Variants in NLRC3 observed in about 807,000 individuals in gnomAD.
NLRC3 encodes NLR family CARD domain containing 3, also known as NLR family CARD domain-containing protein 3.
In NLRC3, 87 loss-of-function variants were observed where a neutral mutation model predicts 91.6. The ratio of observed to expected loss-of-function variants is 0.95; its 90% CI spans 0.80 to 1.14. NLRC3 has a LOEUF of 1.14. NLRC3 is among the 50% of genes most tolerant of loss of function. The pLI is 0.00. For missense variants in NLRC3, 1,577 were observed against 1,418.6 expected (o/e 1.11, Z -1.79); for synonymous variants, 694 against 625.3 (o/e 1.11, Z -1.64).
rs997600113 is a variant in NLRC3, at chr16:3,554,324, G to T, written c.2185C>A (p.Leu729Ile). The T allele has an allele frequency of 6.2e-7, 1 of 1,612,826 alleles. No homozygotes were observed. The highest frequency in any genetic ancestry group is 1.3e-5 in the African/African-American group (1 of 74,918). Residue 729 changes from leucine (L) to isoleucine (I), a missense_variant and splice_region_variant, in exon 9 of 20, where the codon CTC becomes ATC. By Grantham distance (5) the Leu-to-Ile change is conservative (BLOSUM62 2). Transcript: ENST00000359128. ...KINRTLTSLS[L>I]QGNTVRDDGA... ...TCATCCCTAACGGTGTTGCCCTGGA[G>T]GCTGCAGAGACAAGAAGAGGCTCAT... is the stretch of plus-strand genomic sequence containing the variant.
intron 1 of NLRC3, among the ~76,000 whole-genome samples, chr16:3,570,967 A>G (rs1567155517): frequency 1.3e-5 from 2 of 152,154 alleles, no homozygotes; most frequent in African/African-American, 4.8e-5. Context: ...TTCCATTTGT[A>G]TTATTAAATA....
chr16:3,562,991 C>T lies in NLRC3; in HGVS notation c.1928+18G>A, dbSNP rs2039676712. On this transcript the variant is annotated intron_variant, in intron 5 of 19. Transcript: ENST00000359128. The stretch of plus-strand genomic sequence containing the variant: ...CTCTGCCCCTTCCCCAGCCCCTGCC[C>T]CCTGCCCTGGTATCCACCTGAGCTT... The T allele has an allele frequency of 6.5e-7, 1 of 1,547,504 alleles. No individual in the cohort carries two copies. The highest frequency in any genetic ancestry group is 8.7e-7 in the Non-Finnish European group (1 of 1,146,482).
intron 19 of NLRC3, 53 bp from the exon 20 acceptor site, chr16:3,541,968 G>T (rs866746560): frequency 9.3e-7 from 1 of 1,076,946 alleles, no homozygotes; most frequent in African/African-American, 1.5e-5. Context: ...CTCTTTAGTA[G>T]AGCAGGCCAT....
intron 5 of NLRC3, 85 bp downstream of exon 5, chr16:3,562,924 A>C: frequency 2.4e-5 from 30 of 1,231,634 alleles, no homozygotes; most frequent in Non-Finnish European, 3.5e-5. Context: ...GGAGACTGAC[A>C]GAGAAGCTTG....
intron 6 of NLRC3, 83 bp from the exon 7 acceptor site, chr16:3,557,759 TC>T: frequency 2.4e-6 from 2 of 824,872 alleles, no homozygotes; most frequent in Non-Finnish European, 4.1e-6. Flanking sequence ...CCGTGATTAA[TC>T]CTCTAGGCTC....
In NLRC3 at chr16:3,564,851, G is replaced by T. The variant is rs187887592; in HGVS notation, c.178+8C>A. The T allele has an allele frequency of 6.3e-7, 1 of 1,598,954 alleles. No homozygotes were observed. Among genetic ancestry groups the T allele is most frequent in the Non-Finnish European group, 8.5e-7 (1 of 1,173,038 alleles). ...CCACCCCGCGTCTGCCTCCCAAGCC[G>T]GTCCTACCATTGCTGCAGGGCCCCA... On this transcript the variant is annotated splice_region_variant and intron_variant, in intron 4 of 19. Transcript: ENST00000359128. The surrounding 1 kb of genome is among the most constrained non-coding windows in gnomAD (Gnocchi z 5.9).
At position 3,557,652 on chromosome 16, in the gene NLRC3, G is replaced by A. The variant is rs2039407727; in HGVS notation, c.2040C>T (p.Asn680=). The A allele has an allele frequency of 6.2e-7, 1 of 1,613,544 alleles. No individual in the cohort carries two copies. The highest frequency in any genetic ancestry group is 8.5e-7 in the Non-Finnish European group (1 of 1,179,598). The change falls in exon 7 of 20, where the codon AAC becomes AAT. Residue 680 remains asparagine, a synonymous_variant. Transcript: ENST00000359128. ...ATCTGGCCAGAGCTTTGGCCCCTTT[G>A]TTACTGATCTGGTTCTCCGCCAAGC... ...KISLAENQIS[N]KGAKALARSL...
intron 1 of NLRC3, among the ~76,000 whole-genome samples, chr16:3,569,392 A>ATT (rs201744035): frequency 9.0e-5 from 5 of 55,560 alleles, no homozygotes; most frequent in South Asian, 7.9e-4. Flanking sequence ...ATATATATAT[A>ATT]TATTATTTTT....
At chr16:3,569,893 T>C (rs141191576) in intron 1 of NLRC3, among the ~76,000 whole-genome samples, 2 of 152,338 alleles carry the variant, frequency 1.3e-5, no homozygotes, top group East Asian at 1.9e-4. Flanking sequence ...ATTTATTTTG[T>C]TCTATTACCA....
intron 9 of NLRC3, among the ~76,000 whole-genome samples, chr16:3,553,781 G>T (rs771694210): frequency 2.0e-5 from 3 of 149,134 alleles, no homozygotes; most frequent in Non-Finnish European, 4.4e-5. Flanking sequence ...TCTCGCTGTC[G>T]CCCAGGCTGG....
rs764189241 is a variant in NLRC3 at position 3,549,137 on chromosome 16, C to T, written c.2603+5G>A. The T allele has an allele frequency of 1.9e-5, 30 of 1,564,846 alleles. No individual in the cohort carries two copies. Among genetic ancestry groups the T allele is most frequent in the South Asian group, 2.4e-5 (2 of 85,106 alleles). ...CCTGTGGAGTCACAGGCCCCCACCA[C>T]GTACTCCAGGTTCTTCAGGGTGCTG... On this transcript the variant is annotated splice_donor_5th_base_variant and intron_variant, in intron 13 of 19. Coordinates refer to ENST00000359128, the MANE Select transcript of NLRC3 (RefSeq NM_178844.4).
At chr16:3,543,540 CGGCTG>C (rs1448491585) in intron 16 of NLRC3, 32 bp from the exon 17 acceptor site, 2 of 1,520,836 alleles carry the variant, frequency 1.3e-6, no homozygotes, top group African/African-American at 1.4e-5. Context: ...CAGTGTGAGC[CGGCTG>C]GGCCCACCTC....
At chr16:3,555,209 GAC>G (rs2039240244) in intron 8 of NLRC3, among the ~76,000 whole-genome samples, 2 of 136,452 alleles carry the variant, frequency 1.5e-5, no homozygotes, top group South Asian at 4.6e-4. Flanking sequence ...CAGTCTGGGT[GAC>G]AGAGTCAGAC....
chr16:3,570,339 A>T (rs1023741477), intron 1 of NLRC3, among the ~76,000 whole-genome samples: 4 of 152,228 alleles, frequency 2.6e-5, no homozygotes, highest in East Asian at 1.9e-4. Flanking sequence ...TGATATAAAC[A>T]TATGATTTAT....
intron 6 of NLRC3, 91 bp from the exon 7 acceptor site, chr16:3,557,767 G>C: frequency 2.5e-6 from 2 of 793,974 alleles, no homozygotes; most frequent in South Asian, 1.5e-5. Context: ...AATCCTCTAG[G>C]CTCCCCCACA....
chr16:3,571,911 G>A (rs547163946), intron 1 of NLRC3, among the ~76,000 whole-genome samples: 10 of 151,854 alleles, frequency 6.6e-5, no homozygotes, highest in Non-Finnish European at 1.0e-4. Flanking sequence ...CTGCACTCCA[G>A]CCTGGGTGAC....
In NLRC3 at chr16:3,565,323, T is replaced by C; in HGVS notation, c.-29A>G. 1.5e-6 allele frequency: 1 copy of C among 647,802 alleles called. No homozygotes were observed. The highest frequency in any genetic ancestry group is 2.9e-6 in the Non-Finnish European group (1 of 349,990). 40.1% of individuals were successfully genotyped at this position (647,802 alleles called of 1,614,324 possible). ...TACCCCGGCCCTGCCACTTACCAGA[T>C]AGGTGACTGAGGGCAGGCTGAGTCA... is the stretch of plus-strand genomic sequence containing the variant. On this transcript the variant is annotated 5_prime_UTR_variant, in exon 3 of 20. Coordinates refer to ENST00000359128, the MANE Select transcript of NLRC3 (RefSeq NM_178844.4).
intron 9 of NLRC3, among the ~76,000 whole-genome samples, chr16:3,552,876 G>T (rs2039086609): frequency 6.6e-6 from 1 of 152,178 alleles, no homozygotes; most frequent in Non-Finnish European, 1.5e-5. Context: ...GGAGGCGGAG[G>T]TTGCAGTGAG....
intron 15 of NLRC3, chr16:3,545,170 G>C (rs2038627431): frequency 6.6e-6 from 1 of 152,256 alleles, no homozygotes; most frequent in Non-Finnish European, 1.5e-5. Context: ...GTGTGGCCGG[G>C]CGCAGTGGCT....
Sources: gnomAD v4.1 joint callset for allele counts (sites outside exome capture counted in the v4.1 genomes callset) on GRCh38, gnomAD v4.1.1 for gene constraint, Gnocchi (gnomAD v3.1) non-coding constraint, MANE v1.5 for transcripts, NCBI Gene and HGNC (gene_info 2026-07-23, HGNC 2026-07-21) for gene names.